TNRC6B: variants seen among roughly 807,000 people sequenced by gnomAD.
The protein encoded by TNRC6B is trinucleotide repeat containing adaptor 6B.
TNRC6B carries 52 observed loss-of-function variants against 203.6 expected under a neutral mutation model. The ratio of observed to expected loss-of-function variants is 0.26; its 90% CI spans 0.20 to 0.32. TNRC6B has a LOEUF of 0.32. TNRC6B is among the 10% of genes least tolerant of loss of function. TNRC6B has a pLI of 1.00. For missense variants in TNRC6B, 1,923 were observed against 2,286.2 expected, an observed-to-expected ratio of 0.84 and a Z score of 3.24; for synonymous variants, 838 against 845.7, an observed-to-expected ratio of 0.99 and a Z score of 0.16.
intron 1 of TNRC6B, among the ~76,000 whole-genome samples, chr22:40,191,101 A>G (rs988994735): frequency 3.9e-5 from 6 of 152,104 alleles, no homozygotes; most frequent in Non-Finnish European, 7.4e-5. Context: ...CCAAGGAGGA[A>G]ACATCTGAGC....
At chr22:40,191,527 A>G (rs1381162412) in intron 1 of TNRC6B, among the ~76,000 whole-genome samples, 1 of 152,164 alleles carries the variant, frequency 6.6e-6, no homozygotes, top group African/African-American at 2.4e-5. Flanking sequence ...AGGAGAGCAG[A>G]AGGGTAGCTT....
chr22:40,262,233 C>T (rs2070398342), intron 4 of TNRC6B, 60 bp downstream of exon 4: 2 of 1,312,990 alleles, frequency 1.5e-6, no homozygotes, highest in Admixed American at 6.3e-5. Context: ...ACTTTGTTTG[C>T]ATTGCTTGAT....
intron 3 of TNRC6B, among the ~76,000 whole-genome samples, chr22:40,151,868 G>GAAAA: frequency 1.3e-5 from 1 of 76,208 alleles, no homozygotes; most frequent in African/African-American, 1.4e-4. Flanking sequence ...AAAGAAAGAA[G>GAAAA]AAAGAAAGAA....
chr22:40,223,072 G>A (rs372506977), intron 1 of TNRC6B, among the ~76,000 whole-genome samples: 4 of 151,516 alleles, frequency 2.6e-5, no homozygotes, highest in East Asian at 2.0e-4. Flanking sequence ...AAAATTGAAT[G>A]CCTCTAGTTT....
At chr22:40,067,382 T>A (rs2067904103) in intron 1 of TNRC6B, among the ~76,000 whole-genome samples, 1 of 152,138 alleles carries the variant, frequency 6.6e-6, no homozygotes, top group Admixed American at 6.5e-5. Flanking sequence ...ATGCCTTGAC[T>A]CTGGATATAT....
At position 40,326,686 on chromosome 22, in the gene TNRC6B, G is replaced by A. The variant is rs909409064; in HGVS notation, c.*3445G>A. On this transcript the variant is annotated 3_prime_UTR_variant, in exon 23 of 23. Transcript: ENST00000454349. ...AAGAAACAACAGCTTAAAAAAAAAA[G>A]TAATCTGTAAAATAGTACAGTTGGA... 4 of 152,462 alleles carry A rather than the reference G, an allele frequency of 2.6e-5. No homozygotes were observed. The highest frequency in any genetic ancestry group is 4.8e-5 in the African/African-American group (2 of 41,384). The allele number at this position is 152,462 out of a possible 1,614,324, so 9.4% of individuals were successfully genotyped here. A position where few individuals can be genotyped will look rare whatever the true frequency, so the allele number is the denominator to read the frequency against.
At chr22:40,135,659 C>G (rs967103524) in intron 3 of TNRC6B, among the ~76,000 whole-genome samples, 7 of 152,068 alleles carry the variant, frequency 4.6e-5, no homozygotes, top group Non-Finnish European at 7.3e-5. Flanking sequence ...GCCACCATGC[C>G]TGGCTAGTTT....
intron 1 of TNRC6B, among the ~76,000 whole-genome samples, chr22:40,090,059 A>G (rs570198807): frequency 4.4e-4 from 67 of 152,206 alleles, no homozygotes; most frequent in Admixed American, 1.8e-3. Context: ...GCCTGGATGT[A>G]CTCTAGTTTA....
chr22:40,143,229 A>C (rs1201479674), intron 3 of TNRC6B, among the ~76,000 whole-genome samples: 1 of 152,148 alleles, frequency 6.6e-6, no homozygotes, highest in African/African-American at 2.4e-5. Context: ...CAGGAGTTTG[A>C]AACCAGCCTG....
chr22:40,128,694 T>C (rs917287279), intron 3 of TNRC6B, among the ~76,000 whole-genome samples: 46 of 151,672 alleles, frequency 3.0e-4, no homozygotes, highest in Non-Finnish European at 1.8e-4. Flanking sequence ...TGGCTCTCTT[T>C]TTTTTTTTGG....
intron 12 of TNRC6B, among the ~76,000 whole-genome samples, chr22:40,287,528 C>A (rs1227995250): frequency 1.3e-5 from 2 of 152,172 alleles, no homozygotes; most frequent in Non-Finnish European, 2.9e-5. Flanking sequence ...CCCCTTGGCA[C>A]CTCTCCTCTT....
chr22:40,291,608 C>T (rs1439169341), intron 12 of TNRC6B, among the ~76,000 whole-genome samples: 1 of 152,170 alleles, frequency 6.6e-6, no homozygotes, highest in Non-Finnish European at 1.5e-5. Flanking sequence ...TGCTATGTAG[C>T]ATTCACGGTG....
chr22:40,321,095 T>C lies in TNRC6B; in HGVS notation c.4980T>C (p.Asp1660=), dbSNP rs772107979. 8 of 1,613,864 alleles carry C rather than the reference T, an allele frequency of 5.0e-6. No homozygotes were observed. In the African/African-American group the frequency reaches 9.3e-5, roughly 19 times the overall value. ...TGAATGTCATTACTCCTTAGATTGATGGGTCAACCTTGAGAACGATCTGCA... is the reference window on the plus strand; with the variant it reads ...TGAATGTCATTACTCCTTAGATTGACGGGTCAACCTTGAGAACGATCTGCA... ...LVLHNLTPQI[D]GSTLRTICMQ... The change falls in exon 22 of 23, where the codon GAT becomes GAC. Residue 1660 remains aspartate (D), a synonymous_variant. Coordinates refer to ENST00000454349, the MANE Select transcript of TNRC6B (RefSeq NM_001162501.2).
chr22:40,140,429 C>A (rs2068635334), intron 3 of TNRC6B, among the ~76,000 whole-genome samples: 1 of 152,084 alleles, frequency 6.6e-6, no homozygotes, highest in Non-Finnish European at 1.5e-5. Flanking sequence ...GGAACACAGA[C>A]ATGAAGGTTG....
At chr22:40,137,912 G>A (rs2068613580) in intron 3 of TNRC6B, among the ~76,000 whole-genome samples, 1 of 149,318 alleles carries the variant, frequency 6.7e-6, no homozygotes, top group South Asian at 2.1e-4. Context: ...TGAATTGGGA[G>A]GCAGAGGTTG....
intron 1 of TNRC6B, among the ~76,000 whole-genome samples, chr22:40,242,799 A>G (rs895499374): frequency 3.3e-5 from 5 of 151,856 alleles, no homozygotes; most frequent in Admixed American, 6.6e-5. Context: ...CACCACCCCC[A>G]TGGACGCCTT....
At chr22:40,285,222 A>T (rs1379453511) in intron 11 of TNRC6B, among the ~76,000 whole-genome samples, 1 of 152,218 alleles carries the variant, frequency 6.6e-6, no homozygotes, top group Non-Finnish European at 1.5e-5. Context: ...ATAATGTTTT[A>T]TAAATACAAC....
intron 1 of TNRC6B, among the ~76,000 whole-genome samples, chr22:40,071,772 A>T (rs769187997): frequency 6.6e-5 from 10 of 152,148 alleles, no homozygotes; most frequent in Non-Finnish European, 1.5e-4. Context: ...AATTATGGAG[A>T]TGGCCTTTTC....
intron 1 of TNRC6B, among the ~76,000 whole-genome samples, chr22:40,074,974 AC>A (rs1187762333): frequency 6.6e-6 from 1 of 151,520 alleles, no homozygotes; most frequent in Admixed American, 6.6e-5. Flanking sequence ...AAATACTGTT[AC>A]CATAAAACAC....
Sources: allele counts gnomAD v4.1 joint callset (sites outside exome capture counted in the v4.1 genomes callset), GRCh38; gene constraint gnomAD v4.1.1; transcripts MANE v1.5; gene names NCBI Gene and HGNC (gene_info 2026-07-23, HGNC 2026-07-21).